The following FAM107B variants were observed in gnomAD, a reference collection of about 807,000 sequenced individuals.
The protein encoded by FAM107B is protein FAM107B.
A neutral mutation model predicts 31.5 loss-of-function variants in FAM107B; 21 were observed. The ratio of observed to expected loss-of-function variants is 0.67; its 90% CI spans 0.47 to 0.96. The LOEUF (loss-of-function observed/expected upper bound fraction) is 0.96, where lower values mean the gene tolerates loss of function less well. Among genes scored for constraint, FAM107B ranks in the 40% least tolerant of loss-of-function variants. The pLI is 0.00. For synonymous variants in FAM107B, 157 were observed against 141.5 expected (o/e 1.11, Z -0.78); for missense variants, 452 against 377.1 (o/e 1.20, Z -1.64).
chr10:14,566,941 G>A (rs918953858), intron 2 of FAM107B, among the ~76,000 whole-genome samples: 3 of 152,180 alleles, frequency 2.0e-5, no homozygotes, highest in East Asian at 3.9e-4. Context: ...CACAAGGTCA[G>A]GAGATGGAGA....
intron 2 of FAM107B, among the ~76,000 whole-genome samples, chr10:14,609,220 T>C (rs1204335767): frequency 5.3e-5 from 8 of 152,218 alleles, no homozygotes; most frequent in Non-Finnish European, 1.2e-4. Flanking sequence ...CATCTTACCA[T>C]AGACTTAGTG....
At chr10:14,545,452 T>C (rs1010718807) in intron 2 of FAM107B, among the ~76,000 whole-genome samples, 1 of 152,198 alleles carries the variant, frequency 6.6e-6, no homozygotes, top group African/African-American at 2.4e-5. Flanking sequence ...GTTGACATCT[T>C]TGAAGGCTAA....
chr10:14,664,212 T>C (rs965618240), intron 2 of FAM107B, among the ~76,000 whole-genome samples: 5 of 152,242 alleles, frequency 3.3e-5, no homozygotes, highest in African/African-American at 1.2e-4. Flanking sequence ...TGACTGAAGC[T>C]CTGTGAAGGC....
intron 2 of FAM107B, among the ~76,000 whole-genome samples, chr10:14,547,191 AC>A (rs1848772416): frequency 6.6e-6 from 1 of 152,212 alleles, no homozygotes; most frequent in African/African-American, 2.4e-5. Flanking sequence ...CTTCTGTATA[AC>A]TACACGTTGT....
intron 2 of FAM107B, among the ~76,000 whole-genome samples, chr10:14,574,144 C>T (rs1246215794): frequency 6.6e-6 from 1 of 152,142 alleles, no homozygotes; most frequent in Non-Finnish European, 1.5e-5. Flanking sequence ...AATATGCATG[C>T]CACCCTGAGA....
At chr10:14,671,516 T>C (rs1220079077) in intron 1 of FAM107B, among the ~76,000 whole-genome samples, 1 of 152,122 alleles carries the variant, frequency 6.6e-6, no homozygotes, top group East Asian at 1.9e-4. Flanking sequence ...CCACCCCAAG[T>C]GGGCAGGCTG....
intron 1 of FAM107B, among the ~76,000 whole-genome samples, chr10:14,762,419 T>C (rs906107511): frequency 6.6e-6 from 1 of 152,196 alleles, no homozygotes; most frequent in Non-Finnish European, 1.5e-5. Context: ...CGAATTAGCA[T>C]AAGAGACTTG....
chr10:14,680,720 C>T (rs2131494187), intron 1 of FAM107B, among the ~76,000 whole-genome samples: 1 of 152,252 alleles, frequency 6.6e-6, no homozygotes, highest in Non-Finnish European at 1.5e-5. Context: ...AGGAATTAGA[C>T]ATGAGGGAGT....
At position 14,553,268 on chromosome 10, in the gene FAM107B, T is replaced by C. The variant is rs183730638; in HGVS notation, c.470-22753A>G. The C allele has an allele frequency of 7.7e-6, 8 of 1,037,676 alleles. No homozygotes were observed. In the Admixed American group the frequency reaches 3.1e-4, roughly 40 times the overall value. 64.3% of individuals were successfully genotyped at this position (1,037,676 alleles called of 1,614,324 possible). A position where few individuals can be genotyped will look rare whatever the true frequency, so the allele number is the denominator to read the frequency against. ...ACAGGTAAGTTTTTCCCCTACATCA[T>C]GATGAAAGCTGAGGAATAAAGATGA... On this transcript the variant is annotated intron_variant, in intron 2 of 4. Coordinates refer to ENST00000181796, the MANE Select transcript of FAM107B (RefSeq NM_031453.4).
chr10:14,522,103 A>T lies in FAM107B; in HGVS notation c.654-84T>A, dbSNP rs1845710440. 5.9e-6 allele frequency: 9 copies of T among 1,514,900 alleles called. No homozygotes were observed. The South Asian group carries it at 1.2e-4, about 20-fold the overall frequency. The allele number at this position is 1,514,900 out of a possible 1,614,324, so 93.8% of individuals were successfully genotyped here. A position where few individuals can be genotyped will look rare whatever the true frequency, so the allele number is the denominator to read the frequency against. ...AACAGAAATTTAACTTACAATATCAACCACGGAAAAGTGGTCTACAAAATT... is the reference window on the plus strand; with the variant it reads ...AACAGAAATTTAACTTACAATATCATCCACGGAAAAGTGGTCTACAAAATT... On this transcript the variant is annotated intron_variant, in intron 3 of 4. Transcript: ENST00000181796.
intron 2 of FAM107B, among the ~76,000 whole-genome samples, chr10:14,594,312 C>T (rs1852110964): frequency 6.6e-6 from 1 of 152,070 alleles, no homozygotes; most frequent in Non-Finnish European, 1.5e-5. Context: ...TCAAGACCAA[C>T]CGGGCAACAG....
chr10:14,561,413 G>A (rs929211052), intron 2 of FAM107B, among the ~76,000 whole-genome samples: 5 of 152,242 alleles, frequency 3.3e-5, no homozygotes, highest in African/African-American at 1.2e-4. Flanking sequence ...GCAGACACCT[G>A]AAGGAAGTGA....
Position 14,636,458 on chromosome 10 carries a change from A to G in FAM107B, c.469+31176T>C, listed in dbSNP as rs976807677. Among the ~76,000 whole-genome samples the G allele has an allele frequency of 2.0e-5, 3 of 152,322 alleles. No homozygotes were observed. In the East Asian group the frequency reaches 5.8e-4, roughly 29 times the overall value. On this transcript the variant is annotated intron_variant, in intron 2 of 4. Transcript: ENST00000181796. Reference sequence around the variant, plus strand: ...ATGAACTATTTAATAACTCAACGTAATGATGTTACATTTTAGAATAAGAAC... The same window carrying G: ...ATGAACTATTTAATAACTCAACGTAGTGATGTTACATTTTAGAATAAGAAC...
At chr10:14,601,966 G>C (rs1367586281) in intron 2 of FAM107B, among the ~76,000 whole-genome samples, 2 of 152,184 alleles carry the variant, frequency 1.3e-5, no homozygotes, top group Admixed American at 6.5e-5. Flanking sequence ...CCCACATCAG[G>C]AACAAGATTT....
chr10:14,652,303 A>G (rs966139157), intron 2 of FAM107B, among the ~76,000 whole-genome samples: 1 of 152,256 alleles, frequency 6.6e-6, no homozygotes, highest in African/African-American at 2.4e-5. Context: ...AAAGAGCACC[A>G]GATCCCAGAT....
chr10:14,767,020 G>GTATATATATATATA (rs1554757965), intron 1 of FAM107B, among the ~76,000 whole-genome samples: 3 of 30,408 alleles, frequency 9.9e-5, no homozygotes, highest in Admixed American at 1.1e-3. Flanking sequence ...TCCCTGATGT[G>GTATATATATATATA]TATGTATATA....
intron 2 of FAM107B, among the ~76,000 whole-genome samples, chr10:14,580,886 C>T (rs1459935696): frequency 6.6e-6 from 1 of 152,174 alleles, no homozygotes; most frequent in Non-Finnish European, 1.5e-5. Flanking sequence ...AGATCATTTC[C>T]TTCTGTTGGC....
At chr10:14,705,249 T>C (rs557076644) in intron 1 of FAM107B, among the ~76,000 whole-genome samples, 2 of 152,234 alleles carry the variant, frequency 1.3e-5, no homozygotes, top group Admixed American at 6.5e-5. Flanking sequence ...ACTGGAACCC[T>C]TGTACACTGC....
At chr10:14,555,926 CTG>C (rs1849660751) in intron 2 of FAM107B, 1 of 154,440 alleles carries the variant, frequency 6.5e-6, no homozygotes, top group Admixed American at 6.5e-5. Context: ...CACACACACA[CTG>C]GGCAGTGCAA....
Sources: gnomAD v4.1 joint callset for allele counts (sites outside exome capture counted in the v4.1 genomes callset) on GRCh38, gnomAD v4.1.1 for gene constraint, MANE v1.5 for transcripts, NCBI Gene and HGNC (gene_info 2026-07-23, HGNC 2026-07-21) for gene names.